The following CSMD3 variants were observed in gnomAD, a reference collection of about 807,000 sequenced individuals.
CSMD3 encodes CUB and Sushi multiple domains 3.
Under a neutral mutation model 435.2 loss-of-function variants are expected in CSMD3, and 177 were observed. The ratio of observed to expected loss-of-function variants is 0.41; its 90% CI spans 0.36 to 0.46. The LOEUF is 0.46. CSMD3 is among the 20% of genes least tolerant of loss of function. The pLI, the probability that CSMD3 is intolerant of heterozygous loss-of-function variation, is 0.34. For synonymous variants in CSMD3, 1,656 were observed against 1,520.5 expected, an observed-to-expected ratio of 1.09 and a Z score of -2.07; for missense variants, 4,265 against 4,504.6, an observed-to-expected ratio of 0.95 and a Z score of 1.52.
At chr8:113,183,923 T>G (rs1312177460) in intron 3 of CSMD3, among the ~76,000 whole-genome samples, 1 of 151,950 alleles carries the variant, frequency 6.6e-6, no homozygotes, top group Non-Finnish European at 1.5e-5. Flanking sequence ...GGACAACAAT[T>G]GGGTGTCCTC....
chr8:112,637,034 C>A (rs768980606), intron 21 of CSMD3, 29 bp from the exon 22 acceptor site: 104 of 1,575,172 alleles, frequency 6.6e-5, no homozygotes, highest in Non-Finnish European at 8.0e-5. Flanking sequence ...AATTTCCCCG[C>A]GGGGGAGGAA....
At chr8:112,758,446 A>C in intron 13 of CSMD3, among the ~76,000 whole-genome samples, 1 of 152,296 alleles carries the variant, frequency 6.6e-6, no homozygotes, top group South Asian at 2.1e-4. Flanking sequence ...ATTTTACTTC[A>C]TTATATTTCT....
At chr8:113,014,426 G>GCCA (rs2086375443) in intron 6 of CSMD3, among the ~76,000 whole-genome samples, 2 of 151,920 alleles carry the variant, frequency 1.3e-5, no homozygotes, top group Admixed American at 1.3e-4. Context: ...TGGTGGGGCT[G>GCCA]ATTGGCAGCC....
chr8:112,839,143 C>T (rs2080109194), intron 11 of CSMD3, among the ~76,000 whole-genome samples: 1 of 151,760 alleles, frequency 6.6e-6, no homozygotes, highest in African/African-American at 2.4e-5. Context: ...CTGCCAGCAT[C>T]AGGTTAACAG....
At chr8:112,756,035 T>C (rs955292775) in intron 13 of CSMD3, among the ~76,000 whole-genome samples, 1 of 152,012 alleles carries the variant, frequency 6.6e-6, no homozygotes, top group Non-Finnish European at 1.5e-5. Flanking sequence ...GTGGAATCTT[T>C]GCTTCTTGAG....
In CSMD3 at chr8:112,506,779, T is replaced by C. The variant is rs141300086; in HGVS notation, c.4807A>G (p.Asn1603Asp). Reference sequence around the variant, plus strand: ...CTATGCGGATATGGATGAGGGAAGTTTGGTGAAAGAATAAAGCCTGAAGAT... The same window carrying C: ...CTATGCGGATATGGATGAGGGAAGTCTGGTGAAAGAATAAAGCCTGAAGAT... ...TGSSGFILSPNFPHPYPHSRD... is the reference protein window; with the variant it reads ...TGSSGFILSPDFPHPYPHSRD... Residue 1603 changes from asparagine (N) to aspartate (D), a missense_variant, in exon 29 of 71, where the codon AAC (asparagine) becomes GAC (aspartate). Transcript: ENST00000297405. 3.1e-6 allele frequency: 5 copies of C among 1,613,386 alleles called. No homozygotes were observed. Among genetic ancestry groups the C allele is most frequent in the Non-Finnish European group, 4.2e-6 (5 of 1,179,548 alleles).
chr8:112,910,115 G>C (rs903927591), intron 10 of CSMD3, among the ~76,000 whole-genome samples: 2 of 151,808 alleles, frequency 1.3e-5, no homozygotes, highest in African/African-American at 2.4e-5. Flanking sequence ...TTATCACAGA[G>C]AGAAATATAT....
intron 4 of CSMD3, among the ~76,000 whole-genome samples, chr8:113,168,234 T>A (rs1172959893): frequency 6.6e-6 from 1 of 151,958 alleles, no homozygotes; most frequent in Non-Finnish European, 1.5e-5. Context: ...TTTTAAAAAC[T>A]ACAGATTTTA....
At chr8:112,519,084 G>C (rs1259237334) in intron 27 of CSMD3, among the ~76,000 whole-genome samples, 2 of 152,056 alleles carry the variant, frequency 1.3e-5, no homozygotes, top group Non-Finnish European at 2.9e-5. Flanking sequence ...TGAGATTTGG[G>C]TGGTGACACA....
chr8:112,397,738 C>T (rs1460686734), intron 35 of CSMD3, among the ~76,000 whole-genome samples: 4 of 152,138 alleles, frequency 2.6e-5, no homozygotes, highest in Non-Finnish European at 5.9e-5. Context: ...CAATCCCTGC[C>T]CCCAATACTA....
At chr8:113,223,622 C>CATATATATATATATATAT (rs3048833) in intron 3 of CSMD3, among the ~76,000 whole-genome samples, 3 of 146,128 alleles carry the variant, frequency 2.1e-5, no homozygotes, top group African/African-American at 7.4e-5. Context: ...GTCAAGTATA[C>CATATATATATATATATAT]ATATATATAT....
intron 1 of CSMD3, among the ~76,000 whole-genome samples, chr8:113,381,409 C>CT (rs921298708): frequency 2.0e-5 from 3 of 151,984 alleles, no homozygotes; most frequent in Non-Finnish European, 2.9e-5. Context: ...GGATCTAACT[C>CT]TAAGAAAAAG....
At chr8:112,499,042 T>C (rs1358385401) in intron 30 of CSMD3, among the ~76,000 whole-genome samples, 4 of 152,152 alleles carry the variant, frequency 2.6e-5, no homozygotes, top group Non-Finnish European at 5.9e-5. Flanking sequence ...AAGAAACTTG[T>C]ATTTTAGAAT....
At chr8:113,434,179 A>G (rs2094691605) in intron 1 of CSMD3, among the ~76,000 whole-genome samples, 1 of 152,168 alleles carries the variant, frequency 6.6e-6, no homozygotes, top group African/African-American at 2.4e-5. Flanking sequence ...CTGTAGGCAG[A>G]TGGTGTAATT....
At chr8:112,587,925 A>C (rs2131357712) in intron 22 of CSMD3, among the ~76,000 whole-genome samples, 1 of 151,974 alleles carries the variant, frequency 6.6e-6, no homozygotes, top group South Asian at 2.1e-4. Context: ...ATTTTGCAAA[A>C]TTTGAGGAAC....
At chr8:112,432,560 G>A (rs981194727) in intron 32 of CSMD3, among the ~76,000 whole-genome samples, 2 of 151,960 alleles carry the variant, frequency 1.3e-5, no homozygotes, top group Non-Finnish European at 2.9e-5. Flanking sequence ...TTTTCCTCCT[G>A]CCTTGTCCAC....
intron 31 of CSMD3, among the ~76,000 whole-genome samples, chr8:112,476,133 C>T (rs949947168): frequency 6.6e-6 from 1 of 152,058 alleles, no homozygotes; most frequent in East Asian, 1.9e-4. Context: ...GCAACCTCCA[C>T]CTCCCAGGTT....
intron 1 of CSMD3, among the ~76,000 whole-genome samples, chr8:113,355,253 G>C (rs1187510686): frequency 6.6e-6 from 1 of 151,904 alleles, no homozygotes; most frequent in Non-Finnish European, 1.5e-5. Context: ...AGGTGTGTAT[G>C]TGTGTGTACA....
At chr8:113,174,050 T>G in intron 3 of CSMD3, 134 bp from the exon 4 acceptor site, 1 of 697,870 alleles carries the variant, frequency 1.4e-6, no homozygotes, top group South Asian at 1.7e-5. Context: ...GGAACTGTCT[T>G]CTATTCCAAT....
Sources: allele counts gnomAD v4.1 joint callset (sites outside exome capture counted in the v4.1 genomes callset), GRCh38; gene constraint gnomAD v4.1.1; transcripts MANE v1.5; gene names NCBI Gene and HGNC (gene_info 2026-07-23, HGNC 2026-07-21).